Variants in CCDC60 observed in about 807,000 individuals in gnomAD.
CCDC60 encodes the protein coiled-coil domain containing 60, also known as coiled-coil domain-containing protein 60.
In CCDC60, 54 loss-of-function variants were observed where a neutral mutation model predicts 63.5. The observed-to-expected ratio is 0.85, with a 90% CI of 0.68 to 1.07. The LOEUF is 1.07. Ranked by LOEUF, CCDC60 falls within the 50% of genes least tolerant of loss-of-function variation. The probability of loss-of-function intolerance (pLI) is 0.00; values close to 1 mark genes in which losing one functional copy is unlikely to be tolerated. For synonymous variants in CCDC60, 206 were observed against 238.8 expected, an observed-to-expected ratio of 0.86 and a Z score of 1.27; for missense variants, 651 against 684.3, an observed-to-expected ratio of 0.95 and a Z score of 0.54.
At position 119,420,165 on chromosome 12, in the gene CCDC60, C is replaced by A. The variant is rs1413009324; in HGVS notation, c.91-8518C>A. ...TGCTGAGATTACAGGTATAAGCCACCATGCCCGGCCTGTTAAGTAATTCTA... is the reference window on the plus strand; with the variant it reads ...TGCTGAGATTACAGGTATAAGCCACAATGCCCGGCCTGTTAAGTAATTCTA... On this transcript the variant is annotated intron_variant, in intron 1 of 13. Coordinates refer to ENST00000327554, the MANE Select transcript of CCDC60 (RefSeq NM_178499.5). The surrounding 1 kb of genome is among the most constrained non-coding windows in gnomAD (Gnocchi z 4.1). 1.2e-4 allele frequency among the ~76,000 whole-genome samples: 18 copies of A among 152,102 alleles called. No homozygotes were observed. The highest frequency in any genetic ancestry group is 2.6e-4 in the Non-Finnish European group (18 of 68,018).
intron 11 of CCDC60, among the ~76,000 whole-genome samples, chr12:119,524,066 C>T (rs1417583256): frequency 6.6e-6 from 1 of 152,144 alleles, no homozygotes; most frequent in Non-Finnish European, 1.5e-5. Flanking sequence ...AGATAGAGAG[C>T]ATAGGTACCT....
intron 1 of CCDC60, among the ~76,000 whole-genome samples, chr12:119,339,548 G>A (rs1955510285): frequency 6.6e-6 from 1 of 152,128 alleles, no homozygotes; most frequent in South Asian, 2.1e-4. Context: ...ACTTTGGGGG[G>A]GGCCGAGGCA....
intron 5 of CCDC60, among the ~76,000 whole-genome samples, chr12:119,498,179 A>C (rs1224791774): frequency 1.3e-5 from 2 of 152,112 alleles, no homozygotes; most frequent in Non-Finnish European, 1.5e-5. Context: ...ATGCCATGAG[A>C]AGTCAGCCTT....
At chr12:119,517,142 C>A (rs1952374945) in intron 8 of CCDC60, among the ~76,000 whole-genome samples, 1 of 151,980 alleles carries the variant, frequency 6.6e-6, no homozygotes, top group Non-Finnish European at 1.5e-5. Flanking sequence ...CACACACCAC[C>A]ACATCTGGCT....
chr12:119,378,203 G>A (rs569153467), intron 1 of CCDC60, among the ~76,000 whole-genome samples: 1 of 152,192 alleles, frequency 6.6e-6, no homozygotes, highest in Non-Finnish European at 1.5e-5. Flanking sequence ...CGTGTTGTCT[G>A]TTCCTTACTG....
chr12:119,405,866 T>C (rs1177558245), intron 1 of CCDC60, among the ~76,000 whole-genome samples: 1 of 152,210 alleles, frequency 6.6e-6, no homozygotes, highest in East Asian at 1.9e-4. Flanking sequence ...AGTGGTTAAT[T>C]CTGTAATTAA....
At chr12:119,496,073 G>A (rs1421075570) in intron 5 of CCDC60, among the ~76,000 whole-genome samples, 1 of 152,086 alleles carries the variant, frequency 6.6e-6, no homozygotes, top group African/African-American at 2.4e-5. Context: ...GGAGAATGTG[G>A]CAGGAGGATC....
At chr12:119,336,815 A>G (rs1450700117) in intron 1 of CCDC60, among the ~76,000 whole-genome samples, 1 of 152,240 alleles carries the variant, frequency 6.6e-6, no homozygotes, top group Non-Finnish European at 1.5e-5. Flanking sequence ...TTTGAAAAAC[A>G]AAGAAAAATC....
chr12:119,499,031 G>A (rs1450657960), intron 5 of CCDC60, among the ~76,000 whole-genome samples: 2 of 152,240 alleles, frequency 1.3e-5, no homozygotes, highest in African/African-American at 2.4e-5. Context: ...CCCACCTAGT[G>A]TAAATATCCA....
At chr12:119,347,779 T>A (rs901187009) in intron 1 of CCDC60, among the ~76,000 whole-genome samples, 1 of 152,134 alleles carries the variant, frequency 6.6e-6, no homozygotes, top group Non-Finnish European at 1.5e-5. Flanking sequence ...TTTCCTCTCC[T>A]CCATGCAAAA....
intron 1 of CCDC60, among the ~76,000 whole-genome samples, chr12:119,368,828 G>A (rs113278206): frequency 7.6e-4 from 115 of 152,190 alleles, no homozygotes; most frequent in Middle Eastern, 3.4e-3. Context: ...CCACTTAGTC[G>A]CCACTTTATC....
At chr12:119,338,754 G>A (rs1001020567) in intron 1 of CCDC60, among the ~76,000 whole-genome samples, 7 of 152,192 alleles carry the variant, frequency 4.6e-5, no homozygotes, top group Non-Finnish European at 7.3e-5. Flanking sequence ...CAGGCGGCCC[G>A]GTAAGTGTCT....
intron 13 of CCDC60, among the ~76,000 whole-genome samples, chr12:119,532,052 A>T (rs2078667006): frequency 6.6e-6 from 1 of 152,188 alleles, no homozygotes. Flanking sequence ...GCCCTTCCAC[A>T]GAATGACCTG....
At chr12:119,399,998 G>A (rs1005975670) in intron 1 of CCDC60, among the ~76,000 whole-genome samples, 5 of 151,486 alleles carry the variant, frequency 3.3e-5, no homozygotes, top group Admixed American at 3.3e-4. Context: ...AGCTAGTGAT[G>A]CTATGTGTCA....
At chr12:119,534,650 C>T (rs1051660062) in intron 13 of CCDC60, among the ~76,000 whole-genome samples, 1 of 152,072 alleles carries the variant, frequency 6.6e-6, no homozygotes, top group Non-Finnish European at 1.5e-5. Context: ...TGTCAAAGGC[C>T]TTTTCTGCAT....
At chr12:119,426,523 A>T (rs558155220) in intron 1 of CCDC60, among the ~76,000 whole-genome samples, 3 of 151,462 alleles carry the variant, frequency 2.0e-5, no homozygotes, top group East Asian at 1.9e-4. Context: ...TGCTTGGCTA[A>T]TTTTTTTGTA....
intron 1 of CCDC60, among the ~76,000 whole-genome samples, chr12:119,337,091 A>C (rs191713473): frequency 1.3e-5 from 2 of 152,208 alleles, no homozygotes; most frequent in Admixed American, 6.5e-5. Context: ...GTGGTCCAAA[A>C]TGTTCCCAAG....
chr12:119,337,822 ATTTGTGTGTG>A (rs1565961073), intron 1 of CCDC60, among the ~76,000 whole-genome samples: 46 of 101,808 alleles, frequency 4.5e-4, no homozygotes, highest in African/African-American at 1.8e-3. Flanking sequence ...GTGTGTGTGT[ATTTGTGTGTG>A]TGTGTGTGTG....
At chr12:119,469,833 C>T (rs1408429095) in intron 2 of CCDC60, among the ~76,000 whole-genome samples, 3 of 152,046 alleles carry the variant, frequency 2.0e-5, no homozygotes, top group Non-Finnish European at 4.4e-5. Context: ...GAACACAGGC[C>T]GATGCAATAG....
Sources: allele counts gnomAD v4.1 joint callset (sites outside exome capture counted in the v4.1 genomes callset), GRCh38; gene constraint gnomAD v4.1.1; non-coding constraint Gnocchi (gnomAD v3.1); transcripts MANE v1.5; gene names NCBI Gene and HGNC (gene_info 2026-07-23, HGNC 2026-07-21).